The following SBF2 variants were observed in gnomAD, a reference collection of about 807,000 sequenced individuals.
The protein encoded by SBF2 is myotubularin-related protein 13.
Under a neutral mutation model 225.2 loss-of-function variants are expected in SBF2, and 112 were observed. That is an observed-to-expected ratio of 0.50 (90% CI 0.43 to 0.58). The LOEUF (loss-of-function observed/expected upper bound fraction) is 0.58, where lower values mean the gene tolerates loss of function less well. SBF2 is among the 20% of genes least tolerant of loss of function. The pLI is 0.00. For missense variants in SBF2, 1,996 were observed against 2,206.2 expected (o/e 0.90, Z 1.91); for synonymous variants, 763 against 773.3 (o/e 0.99, Z 0.22).
chr11:10,067,170 G>A (rs1282252475), intron 2 of SBF2, among the ~76,000 whole-genome samples: 2 of 152,072 alleles, frequency 1.3e-5, no homozygotes. Context: ...GAAAGAGCTG[G>A]ACAATGAAAA....
In SBF2 at chr11:9,850,005, T is replaced by C. The variant is rs764665598; in HGVS notation, c.2806+18A>G. On this transcript the variant is annotated intron_variant, in intron 22 of 39. Transcript: ENST00000256190. ...TACCACACAGATACCCATGTTCTGA[T>C]GGCATATCGAGTCATACCTAACTGA... 1.2e-6 allele frequency: 2 copies of C among 1,609,148 alleles called. No individual in the cohort carries two copies. Among genetic ancestry groups the C allele is most frequent in the Non-Finnish European group, 1.7e-6 (2 of 1,175,634 alleles).
chr11:10,124,531 A>T (rs1410967519), intron 2 of SBF2, among the ~76,000 whole-genome samples: 1 of 152,198 alleles, frequency 6.6e-6, no homozygotes, highest in Non-Finnish European at 1.5e-5. Flanking sequence ...CTATTATTCA[A>T]ATGCTCTAAT....
intron 24 of SBF2, 24 bp downstream of exon 24, chr11:9,845,541 T>C (rs1266735770): frequency 1.9e-6 from 3 of 1,607,546 alleles, no homozygotes; most frequent in South Asian, 1.1e-5. Context: ...GGGCTGAAAT[T>C]AACAGACTTG....
intron 16 of SBF2, among the ~76,000 whole-genome samples, chr11:9,902,419 C>T (rs1352565827): frequency 6.6e-6 from 1 of 152,138 alleles, no homozygotes; most frequent in Non-Finnish European, 1.5e-5. Context: ...ACAAGATATC[C>T]CACCTCTTTA....
At chr11:9,926,265 A>G (rs1025925692) in intron 16 of SBF2, among the ~76,000 whole-genome samples, 1 of 152,194 alleles carries the variant, frequency 6.6e-6, no homozygotes, top group Non-Finnish European at 1.5e-5. Context: ...AGAAACTTGC[A>G]AACCTTTTTG....
At chr11:10,106,743 T>C (rs535593392) in intron 2 of SBF2, among the ~76,000 whole-genome samples, 11 of 149,366 alleles carry the variant, frequency 7.4e-5, no homozygotes, top group Non-Finnish European at 1.3e-4. Flanking sequence ...AAAAGAAAAA[T>C]ATTTGCAAAT....
At chr11:10,274,750 CAAAAAAAAAAA>C (rs200010291) in intron 1 of SBF2, among the ~76,000 whole-genome samples, 1 of 105,046 alleles carries the variant, frequency 9.5e-6, no homozygotes, top group Non-Finnish European at 1.9e-5. Flanking sequence ...GACTCCATCT[CAAAAAAAAAAA>C]AAAAAAAGAA....
At chr11:10,243,102 A>T (rs1959389344) in intron 1 of SBF2, among the ~76,000 whole-genome samples, 1 of 152,206 alleles carries the variant, frequency 6.6e-6, no homozygotes, top group African/African-American at 2.4e-5. Flanking sequence ...AGTCCTAACA[A>T]ATATAAGAAG....
intron 1 of SBF2, among the ~76,000 whole-genome samples, chr11:10,245,736 A>T (rs1051461510): frequency 9.9e-5 from 15 of 152,260 alleles, no homozygotes; most frequent in African/African-American, 3.1e-4. Flanking sequence ...CAAGACATGG[A>T]AACAAGCTAA....
intron 16 of SBF2, among the ~76,000 whole-genome samples, chr11:9,951,781 T>C (rs1455246724): frequency 6.6e-6 from 1 of 152,146 alleles, no homozygotes; most frequent in Non-Finnish European, 1.5e-5. Context: ...GACTGGATGG[T>C]TCTTTTACAA....
chr11:9,873,165 C>T (rs1858920113), intron 17 of SBF2, among the ~76,000 whole-genome samples: 3 of 131,850 alleles, frequency 2.3e-5, no homozygotes, highest in Admixed American at 8.6e-5. Flanking sequence ...AAGACCGCAC[C>T]ACTGCACTCC....
rs193087540 is a variant in SBF2 at position 9,996,483 on chromosome 11, A to C, written c.975+1783T>G. 9.1e-3 allele frequency among the ~76,000 whole-genome samples: 1,391 copies of C among 152,182 alleles called. 13 individuals carry two copies. The highest frequency in any genetic ancestry group is 0.024 in the Middle Eastern group (7 of 294). Reference sequence around the variant, plus strand: ...TGGCTCACTGCAACCTCCGCCTCCCAGGTTCATGCTATTCTCCTGCCTCAG... The same window carrying C: ...TGGCTCACTGCAACCTCCGCCTCCCCGGTTCATGCTATTCTCCTGCCTCAG... On this transcript the variant is annotated intron_variant, in intron 9 of 39. Coordinates refer to ENST00000256190, the MANE Select transcript of SBF2 (RefSeq NM_030962.4).
intron 2 of SBF2, among the ~76,000 whole-genome samples, chr11:10,172,026 CTT>C (rs1329172933): frequency 6.6e-6 from 1 of 151,932 alleles, no homozygotes; most frequent in African/African-American, 2.4e-5. Context: ...TTATTTGGGT[CTT>C]TATTTTTTTC....
In SBF2 at chr11:10,042,884, C is replaced by T. The variant is rs202146994; in HGVS notation, c.239G>A (p.Cys80Tyr). The T allele has an allele frequency of 1.2e-6, 2 of 1,613,952 alleles. No individual in the cohort carries two copies. The highest frequency in any genetic ancestry group is 1.1e-5 in the South Asian group (1 of 91,078). The change falls in exon 3 of 40, where the codon TGC (cysteine) becomes TAC (tyrosine). Residue 80 changes from cysteine to tyrosine, a missense_variant. Cys to Tyr is a radical substitution (Grantham distance 194). Transcript: ENST00000256190. ...TGCCTCATAGAAGGTTAGGCATGAG[C>T]AGTAATGTCGATCTGAGTCAATGTC... ...LTDIDSDRHY[C>Y]SCLTFYEAEI...
At chr11:9,843,006 G>C (rs1283551553) in intron 24 of SBF2, among the ~76,000 whole-genome samples, 3 of 152,198 alleles carry the variant, frequency 2.0e-5, no homozygotes, top group Non-Finnish European at 4.4e-5. Flanking sequence ...AAAATGTAAA[G>C]TGAGACACAA....
intron 2 of SBF2, among the ~76,000 whole-genome samples, chr11:10,079,166 G>A (rs760645077): frequency 6.6e-6 from 1 of 152,110 alleles, no homozygotes; most frequent in Non-Finnish European, 1.5e-5. Context: ...AACACAAGAT[G>A]CTATGACATC....
intron 2 of SBF2, among the ~76,000 whole-genome samples, chr11:10,130,741 C>T (rs919892941): frequency 1.3e-5 from 2 of 152,140 alleles, no homozygotes; most frequent in African/African-American, 4.8e-5. Context: ...TCCTGGTGAC[C>T]TCTACAATTG....
intron 11 of SBF2, 109 bp from the exon 12 acceptor site, chr11:9,992,652 T>C: frequency 1.0e-6 from 1 of 980,758 alleles, no homozygotes; most frequent in Non-Finnish European, 1.5e-6. Context: ...CCTTCATGTA[T>C]AAATATATGC....
At chr11:10,052,774 T>C (rs1480086527) in intron 2 of SBF2, among the ~76,000 whole-genome samples, 1 of 152,174 alleles carries the variant, frequency 6.6e-6, no homozygotes, top group East Asian at 1.9e-4. Context: ...ACCAAGACTG[T>C]TAGACATTAA....
Sources: allele counts gnomAD v4.1 joint callset (sites outside exome capture counted in the v4.1 genomes callset), GRCh38; gene constraint gnomAD v4.1.1; transcripts MANE v1.5; gene names NCBI Gene and HGNC (gene_info 2026-07-23, HGNC 2026-07-21).